Variants in KAZN observed in about 807,000 individuals in gnomAD.
KAZN encodes the protein kazrin.
Under a neutral mutation model 87.4 loss-of-function variants are expected in KAZN, and 40 were observed. The observed-to-expected ratio is 0.46, with a 90% CI of 0.36 to 0.60. The LOEUF is 0.60. Ranked by LOEUF, KAZN falls within the 20% of genes least tolerant of loss-of-function variation. The pLI, the probability that KAZN is intolerant of heterozygous loss-of-function variation, is 0.00. For synonymous variants in KAZN, 466 were observed against 458.3 expected (o/e 1.02, Z -0.22); for missense variants, 898 against 1,073.9 (o/e 0.84, Z 2.29).
intron 1 of KAZN, among the ~76,000 whole-genome samples, chr1:14,718,004 A>G (rs1642891000): frequency 6.6e-6 from 1 of 152,202 alleles, no homozygotes; most frequent in Admixed American, 6.5e-5. Flanking sequence ...CGCTTCCCCC[A>G]TTGAGCCTGG....
intron 1 of KAZN, among the ~76,000 whole-genome samples, chr1:14,882,769 A>G (rs1225903856): frequency 2.6e-5 from 4 of 152,104 alleles, no homozygotes; most frequent in Non-Finnish European, 5.9e-5. Context: ...TGGAGCATCT[A>G]GAAACTTCCA....
rs927662683 is a variant in KAZN, at chr1:14,990,084, C to T, written c.418+29209C>T. ...AGTAACCTGCTCAAAGCCACACAGC[C>T]GCTAATCCAGATGCAGGCCTGTCTC... On this transcript the variant is annotated intron_variant, in intron 2 of 14. Coordinates refer to ENST00000376030, the MANE Select transcript of KAZN (RefSeq NM_201628.3). Among the ~76,000 whole-genome samples the T allele has an allele frequency of 2.6e-5, 4 of 152,236 alleles. No homozygotes were observed. The East Asian group carries it at 7.7e-4, about 29-fold the overall frequency.
At chr1:14,698,791 A>T (rs1196569475) in intron 1 of KAZN, among the ~76,000 whole-genome samples, 1 of 152,224 alleles carries the variant, frequency 6.6e-6, no homozygotes, top group Non-Finnish European at 1.5e-5. Context: ...AAGTTTGCTG[A>T]ATTAAAATGC....
intron 2 of KAZN, among the ~76,000 whole-genome samples, chr1:14,961,817 C>T (rs1663901702): frequency 1.3e-5 from 2 of 152,126 alleles, no homozygotes; most frequent in Non-Finnish European, 2.9e-5. Context: ...AGGTTAATAC[C>T]ATGCTGCTGT....
intron 2 of KAZN, among the ~76,000 whole-genome samples, chr1:14,466,659 T>TA (rs201089529): frequency 0.26 from 29,343 of 113,786 alleles, 3,200 homozygotes; most frequent in East Asian, 0.36. Flanking sequence ...AAAACTAAAT[T>TA]TAAAAAAAAA....
chr1:14,611,173 G>A (rs183376017), intron 1 of KAZN, among the ~76,000 whole-genome samples: 37 of 152,318 alleles, frequency 2.4e-4, no homozygotes, highest in African/African-American at 8.7e-4. Context: ...TCTCTGCAGT[G>A]CAGCAGGTGA....
chr1:14,541,888 G>A (rs1042694692), intron 2 of KAZN, among the ~76,000 whole-genome samples: 1 of 152,174 alleles, frequency 6.6e-6, no homozygotes, highest in African/African-American at 2.4e-5. Flanking sequence ...TTCATCTGAT[G>A]ATCGGGAGCA....
intron 2 of KAZN, among the ~76,000 whole-genome samples, chr1:14,440,910 G>T (rs1184396222): frequency 6.6e-6 from 1 of 152,224 alleles, no homozygotes; most frequent in East Asian, 1.9e-4. Context: ...GACAGGTTCT[G>T]AGGGCTGGCA....
At chr1:14,899,624 CT>C (rs1655638685) in intron 1 of KAZN, among the ~76,000 whole-genome samples, 1 of 152,150 alleles carries the variant, frequency 6.6e-6, no homozygotes, top group South Asian at 2.1e-4. Flanking sequence ...GTGCAGTATT[CT>C]AGCCAAGATC....
At chr1:13,932,937 G>A (rs1279263336) in intron 1 of KAZN, among the ~76,000 whole-genome samples, 1 of 152,006 alleles carries the variant, frequency 6.6e-6, no homozygotes, top group African/African-American at 2.4e-5. Context: ...AAATTTTTTG[G>A]GGGAATAATT....
intron 1 of KAZN, among the ~76,000 whole-genome samples, chr1:14,616,472 GAAA>G (rs530449852): frequency 2.2e-5 from 3 of 136,768 alleles, no homozygotes; most frequent in Non-Finnish European, 4.8e-5. Flanking sequence ...GGGTGATTTA[GAAA>G]AAAAAAAAAA....
intron 1 of KAZN, among the ~76,000 whole-genome samples, chr1:14,083,197 A>C (rs990315965): frequency 1.3e-5 from 2 of 152,228 alleles, no homozygotes; most frequent in Non-Finnish European, 1.5e-5. Context: ...AGCCATGTAG[A>C]ATCTTTGCAT....
chr1:14,642,684 G>A (rs1680497201), intron 1 of KAZN, among the ~76,000 whole-genome samples: 1 of 152,164 alleles, frequency 6.6e-6, no homozygotes, highest in Admixed American at 6.5e-5. Context: ...TAGCTAGAAG[G>A]AAGATATTGA....
intron 1 of KAZN, among the ~76,000 whole-genome samples, chr1:14,884,858 C>A (rs1008690626): frequency 1.3e-5 from 2 of 152,266 alleles, no homozygotes; most frequent in African/African-American, 2.4e-5. Flanking sequence ...TATCTCAGAG[C>A]CATCAAAGAA....
intron 2 of KAZN, among the ~76,000 whole-genome samples, chr1:14,469,702 A>G (rs927446833): frequency 2.0e-5 from 3 of 152,220 alleles, no homozygotes; most frequent in South Asian, 2.1e-4. Context: ...TCCCTTGAAC[A>G]TGTCCTGATG....
intron 4 of KAZN, among the ~76,000 whole-genome samples, chr1:15,045,315 C>G (rs572897376): frequency 1.3e-5 from 2 of 152,116 alleles, no homozygotes; most frequent in African/African-American, 4.8e-5. Flanking sequence ...GATCTGGGTT[C>G]GAATCCAGCC....
intron 2 of KAZN, among the ~76,000 whole-genome samples, chr1:14,588,151 A>T (rs1429709269): frequency 6.6e-6 from 1 of 152,106 alleles, no homozygotes; most frequent in Admixed American, 6.5e-5. Flanking sequence ...GGTTGACATT[A>T]AGTACTTAGC....
At position 15,110,497 on chromosome 1, in the gene KAZN, G is replaced by A. The variant is rs1171042596; in HGVS notation, c.2049-1930G>A. Reference sequence around the variant, plus strand: ...TTTGTGTATTTGTGTGTGTATGTATGTGTGTGTATTTGTGTGTTTGTGTGT... The same window carrying A: ...TTTGTGTATTTGTGTGTGTATGTATATGTGTGTATTTGTGTGTTTGTGTGT... On this transcript the variant is annotated intron_variant, in intron 13 of 14. Coordinates refer to ENST00000376030, the MANE Select transcript of KAZN (RefSeq NM_201628.3). 3.0e-4 allele frequency among the ~76,000 whole-genome samples: 6 copies of A among 19,806 alleles called. No individual in the cohort carries two copies. In the Admixed American group the frequency reaches 3.9e-3, roughly 13 times the overall value. 13.0% of individuals were successfully genotyped at this position (19,806 alleles called of 152,430 possible). A position where few individuals can be genotyped will look rare whatever the true frequency, so the allele number is the denominator to read the frequency against.
At chr1:14,691,913 T>C (rs1641335331) in intron 1 of KAZN, among the ~76,000 whole-genome samples, 1 of 142,826 alleles carries the variant, frequency 7.0e-6, no homozygotes, top group African/African-American at 2.6e-5. Flanking sequence ...GCTTATCTTA[T>C]CTGCCAATTT....
Sources: gnomAD v4.1 joint callset for allele counts (sites outside exome capture counted in the v4.1 genomes callset) on GRCh38, gnomAD v4.1.1 for gene constraint, MANE v1.5 for transcripts, NCBI Gene and HGNC (gene_info 2026-07-23, HGNC 2026-07-21) for gene names.